Variants in ABHD12 observed in about 807,000 individuals in gnomAD.
ABHD12 encodes the protein abhydrolase domain containing 12, lysophospholipase.
A neutral mutation model predicts 58.3 loss-of-function variants in ABHD12; 43 were observed. The ratio of observed to expected loss-of-function variants is 0.74; its 90% CI spans 0.58 to 0.95. ABHD12 has a LOEUF of 0.95. Among genes scored for constraint, ABHD12 ranks in the 40% least tolerant of loss-of-function variants. The probability of loss-of-function intolerance (pLI) is 0.00; values close to 1 mark genes in which losing one functional copy is unlikely to be tolerated. For missense variants in ABHD12, 539 were observed against 537.2 expected (o/e 1.00, Z -0.03); for synonymous variants, 219 against 211.2 (o/e 1.04, Z -0.32).
chr20:25,349,073 G>A (rs1380308015), intron 1 of ABHD12, among the ~76,000 whole-genome samples: 2 of 141,996 alleles, frequency 1.4e-5, no homozygotes, highest in Non-Finnish European at 3.0e-5. Context: ...AACAGAGCGA[G>A]ACTCCGTCTC....
chr20:25,316,727 G>A (rs908993428), intron 5 of ABHD12, among the ~76,000 whole-genome samples: 9 of 152,138 alleles, frequency 5.9e-5, no homozygotes, highest in African/African-American at 1.7e-4. Flanking sequence ...CCAGGAGTTC[G>A]AGACCAGCCT....
At chr20:25,332,615 C>A (rs2089296830) in intron 2 of ABHD12, among the ~76,000 whole-genome samples, 1 of 151,440 alleles carries the variant, frequency 6.6e-6, no homozygotes, top group African/African-American at 2.4e-5. Flanking sequence ...TCTCTCAGAC[C>A]ACAGTGCAAT....
At chr20:25,353,238 C>T (rs1185856544) in intron 1 of ABHD12, among the ~76,000 whole-genome samples, 1 of 145,380 alleles carries the variant, frequency 6.9e-6, no homozygotes, top group Non-Finnish European at 1.5e-5. Flanking sequence ...GAGGGCAAGC[C>T]ATAGGTGTTT....
Position 25,323,350 on chromosome 20 carries a change from C to T in ABHD12, c.397G>A (p.Glu133Lys). 1.9e-6 allele frequency: 3 copies of T among 1,614,058 alleles called. No individual in the cohort carries two copies. Among genetic ancestry groups the T allele is most frequent in the Non-Finnish European group, 2.5e-6 (3 of 1,179,904 alleles). Reference protein sequence around the residue: ...NHTCNYYLQPEEDVTIGVWHT... With the variant: ...NHTCNYYLQPKEDVTIGVWHT... Reference sequence around the variant, plus strand: ...CAGACTCCAATGGTCACGTCTTCCTCTGGCTGCAGGTAGTAGTTACACGTG... The same window carrying T: ...CAGACTCCAATGGTCACGTCTTCCTTTGGCTGCAGGTAGTAGTTACACGTG... The change falls in exon 3 of 13, where the codon GAG becomes AAG. Residue 133 changes from glutamate (E) to lysine (K), a missense_variant. Glu to Lys is a moderately conservative substitution (Grantham distance 56, BLOSUM62 1). Transcript: ENST00000339157.
chr20:25,372,596 A>G (rs949589861), intron 1 of ABHD12, among the ~76,000 whole-genome samples: 5 of 152,158 alleles, frequency 3.3e-5, no homozygotes, highest in African/African-American at 1.2e-4. Context: ...AGTTATTTTC[A>G]CCTGGTCAAG....
intron 1 of ABHD12, among the ~76,000 whole-genome samples, chr20:25,367,830 A>G (rs1421883517): frequency 6.6e-6 from 1 of 152,204 alleles, no homozygotes; most frequent in Non-Finnish European, 1.5e-5. Context: ...TGTTTTAGCT[A>G]TTGTGAATAG....
intron 1 of ABHD12, among the ~76,000 whole-genome samples, chr20:25,361,938 G>C (rs1271985803): frequency 1.1e-4 from 17 of 151,536 alleles, no homozygotes; most frequent in Admixed American, 1.1e-3. Context: ...CTGGGGGACA[G>C]AGCGACACTC....
chr20:25,365,209 CA>C (rs2146095124), intron 1 of ABHD12, among the ~76,000 whole-genome samples: 1 of 152,296 alleles, frequency 6.6e-6, no homozygotes, highest in African/African-American at 2.4e-5. Context: ...AAAATTAAAA[CA>C]AAGTCTCACT....
chr20:25,366,956 A>AT (rs986464504), intron 1 of ABHD12, among the ~76,000 whole-genome samples: 1 of 151,622 alleles, frequency 6.6e-6, no homozygotes, highest in South Asian at 2.1e-4. Flanking sequence ...TCTGTAGGTC[A>AT]TTTTTTTTCT....
At chr20:25,371,874 A>T (rs1050911849) in intron 1 of ABHD12, among the ~76,000 whole-genome samples, 2 of 152,198 alleles carry the variant, frequency 1.3e-5, no homozygotes, top group Non-Finnish European at 2.9e-5. Context: ...TGTGAAAGCT[A>T]AAGTCATCAA....
chr20:25,298,846 G>A (rs939958331), downstream of ABHD12, among the ~76,000 whole-genome samples: 23 of 152,194 alleles, frequency 1.5e-4, no homozygotes, highest in African/African-American at 4.8e-4. Context: ...AGACCTGGTC[G>A]TGCAGGGGTT....
intron 3 of ABHD12, among the ~76,000 whole-genome samples, chr20:25,320,794 C>T (rs1327005860): frequency 6.6e-6 from 1 of 152,086 alleles, no homozygotes; most frequent in Non-Finnish European, 1.5e-5. Flanking sequence ...GTGAGCCAGA[C>T]TAGAAACCGG....
chr20:25,365,755 T>C (rs2089811313), intron 1 of ABHD12, among the ~76,000 whole-genome samples: 1 of 152,226 alleles, frequency 6.6e-6, no homozygotes, highest in South Asian at 2.1e-4. Flanking sequence ...TTTCATTAAT[T>C]AATAAAGTGT....
intron 6 of ABHD12, 75 bp downstream of exon 6, chr20:25,314,850 A>G: frequency 6.5e-7 from 1 of 1,536,984 alleles, no homozygotes; most frequent in South Asian, 1.1e-5. Flanking sequence ...AGCCTCTTCG[A>G]GTGAGGCCTG....
At chr20:25,335,170 G>C (rs1028858976) in intron 2 of ABHD12, among the ~76,000 whole-genome samples, 11 of 152,264 alleles carry the variant, frequency 7.2e-5, no homozygotes, top group Admixed American at 3.9e-4. Context: ...CTTCTCAAAA[G>C]AAGACAGTTA....
chr20:25,335,430 C>T (rs2089347553), intron 2 of ABHD12, among the ~76,000 whole-genome samples: 3 of 147,630 alleles, frequency 2.0e-5, no homozygotes, highest in African/African-American at 7.6e-5. Context: ...CTAGAAATAC[C>T]ATTTGACCCA....
At chr20:25,346,541 T>C (rs990848801) in intron 1 of ABHD12, among the ~76,000 whole-genome samples, 7 of 152,152 alleles carry the variant, frequency 4.6e-5, no homozygotes, top group East Asian at 1.9e-4. Context: ...AGGATGTGGA[T>C]AGTGTGGCAT....
At chr20:25,304,864 G>A (rs1230598233) in intron 10 of ABHD12, among the ~76,000 whole-genome samples, 1 of 152,150 alleles carries the variant, frequency 6.6e-6, no homozygotes, top group Non-Finnish European at 1.5e-5. Context: ...ACCACACCCA[G>A]TCACAACCTT....
At chr20:25,359,423 C>CAAAA (rs565367954) in intron 1 of ABHD12, among the ~76,000 whole-genome samples, 942 of 62,850 alleles carry the variant, frequency 0.015, 22 homozygotes, top group Non-Finnish European at 0.026. Flanking sequence ...GACTCCGTCT[C>CAAAA]AAAAAAAAAA....
Sources: gnomAD v4.1 joint callset for allele counts (sites outside exome capture counted in the v4.1 genomes callset) on GRCh38, gnomAD v4.1.1 for gene constraint, MANE v1.5 for transcripts, NCBI Gene and HGNC (gene_info 2026-07-23, HGNC 2026-07-21) for gene names.